Variants in AGMO observed in about 807,000 individuals in gnomAD.
The protein encoded by AGMO is glyceryl-ether monooxygenase.
Under a neutral mutation model 60.2 loss-of-function variants are expected in AGMO, and 75 were observed. That is an observed-to-expected ratio of 1.25 (90% CI 1.03 to 1.51). AGMO has a LOEUF of 1.51. Ranked by LOEUF, AGMO falls within the 40% of genes most tolerant of loss-of-function variation. AGMO has a pLI of 0.00. For synonymous variants in AGMO, 261 were observed against 177.1 expected, an observed-to-expected ratio of 1.47 and a Z score of -3.76; for missense variants, 763 against 525.5, an observed-to-expected ratio of 1.45 and a Z score of -4.42.
the AGMO span, among the ~76,000 whole-genome samples, chr7:15,192,169 C>T: frequency 2.0e-5 from 3 of 152,048 alleles, no homozygotes; most frequent in Non-Finnish European, 4.4e-5. Flanking sequence ...AAAGGCCCCA[C>T]CTTCGAGCCT....
intron 4 of AGMO, among the ~76,000 whole-genome samples, chr7:15,425,573 G>C (rs1781036586): frequency 6.6e-6 from 1 of 151,650 alleles, no homozygotes; most frequent in South Asian, 2.1e-4. Context: ...TGAGTAGCTG[G>C]GACTACAGGC....
chr7:15,142,596 C>T, the AGMO span, among the ~76,000 whole-genome samples: 1 of 152,186 alleles, frequency 6.6e-6, no homozygotes, highest in South Asian at 2.1e-4. Flanking sequence ...TACTTATCCT[C>T]ATAAGCATGT....
intron 2 of AGMO, among the ~76,000 whole-genome samples, chr7:15,546,103 C>G (rs996237738): frequency 2.6e-5 from 4 of 152,036 alleles, no homozygotes; most frequent in Admixed American, 2.6e-4. Flanking sequence ...AGATCCAGCC[C>G]TTTAATTTTA....
intron 12 of AGMO, among the ~76,000 whole-genome samples, chr7:15,345,649 G>T (rs1270664462): frequency 1.3e-5 from 2 of 152,122 alleles, no homozygotes. Context: ...TGATGTTGTT[G>T]TTAGCAGTTT....
intron 12 of AGMO, among the ~76,000 whole-genome samples, chr7:15,312,462 C>G (rs1170062398): frequency 7.2e-6 from 1 of 138,310 alleles, no homozygotes; most frequent in African/African-American, 2.7e-5. Flanking sequence ...ATGGAAATCA[C>G]AGGACAATCA....
At chr7:15,197,716 C>A (rs1014508861), downstream of AGMO, among the ~76,000 whole-genome samples, 3 of 152,226 alleles carry the variant, frequency 2.0e-5, no homozygotes, top group African/African-American at 7.2e-5. Flanking sequence ...CTCATTCACC[C>A]TGTCAATTAA....
At chr7:15,300,095 A>G (rs10215707) in intron 12 of AGMO, among the ~76,000 whole-genome samples, 25,894 of 152,028 alleles carry the variant, frequency 0.17, 3,580 homozygotes, top group African/African-American at 0.38. Flanking sequence ...TGGAAGTAAT[A>G]GAAAGGAAAT....
intron 10 of AGMO, among the ~76,000 whole-genome samples, chr7:15,377,273 A>G (rs750488279): frequency 1.2e-4 from 18 of 152,194 alleles, no homozygotes; most frequent in Admixed American, 3.9e-4. Context: ...ACAACTTTCA[A>G]AATTAATTTG....
At chr7:15,451,490 A>T (rs12112305) in intron 3 of AGMO, among the ~76,000 whole-genome samples, 9,322 of 152,120 alleles carry the variant, frequency 0.061, 924 homozygotes, top group African/African-American at 0.21. Context: ...AGATGAAGTC[A>T]CCAGCAGATT....
intron 12 of AGMO, among the ~76,000 whole-genome samples, chr7:15,328,259 G>A (rs1182418732): frequency 6.6e-6 from 1 of 151,878 alleles, no homozygotes; most frequent in African/African-American, 2.4e-5. Flanking sequence ...CACCACACCC[G>A]GCTAGTTTTG....
chr7:15,249,121 T>C (rs1160339237), intron 12 of AGMO, among the ~76,000 whole-genome samples: 1 of 152,226 alleles, frequency 6.6e-6, no homozygotes. Flanking sequence ...TAGAGTTGTT[T>C]TCATATTTTT....
chr7:15,134,107 G>A, the AGMO span, among the ~76,000 whole-genome samples: 6 of 152,082 alleles, frequency 3.9e-5, no homozygotes, highest in Non-Finnish European at 7.4e-5. Context: ...ACAGGGGTTT[G>A]ATGTACAGAT....
chr7:15,135,161 TTTGTGTGTG>T, the AGMO span, among the ~76,000 whole-genome samples: 1 of 39,106 alleles, frequency 2.6e-5, no homozygotes. Flanking sequence ...TTTATATGAG[TTTGTGTGTG>T]TGTGTGTGTG....
chr7:15,214,462 A>ACATGGTTTT (rs1165494702), intron 12 of AGMO, among the ~76,000 whole-genome samples: 1 of 151,990 alleles, frequency 6.6e-6, no homozygotes, highest in Non-Finnish European at 1.5e-5. Flanking sequence ...AGTATAATAC[A>ACATGGTTTT]CATGGTTTTG....
chr7:15,265,070 A>T (rs767321251), intron 12 of AGMO, among the ~76,000 whole-genome samples: 2 of 152,122 alleles, frequency 1.3e-5, no homozygotes, highest in African/African-American at 4.8e-5. Flanking sequence ...AGAAAATGTG[A>T]TATGTATACA....
chr7:15,334,353 T>C (rs1781587403), intron 12 of AGMO, among the ~76,000 whole-genome samples: 1 of 151,828 alleles, frequency 6.6e-6, no homozygotes, highest in African/African-American at 2.4e-5. Context: ...TTATTTACAA[T>C]TACAATTATC....
chr7:15,389,078 T>TAA (rs1454998274), intron 8 of AGMO, among the ~76,000 whole-genome samples: 1 of 152,198 alleles, frequency 6.6e-6, no homozygotes, highest in Non-Finnish European at 1.5e-5. Flanking sequence ...GTCTCAATTA[T>TAA]AAATGCCGTT....
chr7:15,369,823 T>C (rs1783129364), intron 10 of AGMO, among the ~76,000 whole-genome samples: 1 of 152,214 alleles, frequency 6.6e-6, no homozygotes, highest in Non-Finnish European at 1.5e-5. Context: ...ATAAAATGTT[T>C]ATATTTGTTT....
intron 12 of AGMO, among the ~76,000 whole-genome samples, chr7:15,355,742 AG>A (rs1389712071): frequency 6.6e-6 from 1 of 152,086 alleles, no homozygotes; most frequent in Admixed American, 6.6e-5. Context: ...TCATACATAA[AG>A]GGGAGTATTG....
Sources: gnomAD v4.1 joint callset for allele counts (sites outside exome capture counted in the v4.1 genomes callset) on GRCh38, gnomAD v4.1.1 for gene constraint, MANE v1.5 for transcripts, NCBI Gene and HGNC (gene_info 2026-07-23, HGNC 2026-07-21) for gene names.